Variants in CRTC1 observed in about 807,000 individuals in gnomAD.
CRTC1 encodes CREB regulated transcription coactivator 1.
CRTC1 carries 18 observed loss-of-function variants against 66.1 expected under a neutral mutation model. The observed-to-expected ratio is 0.27, with a 90% CI of 0.19 to 0.40. CRTC1 has a LOEUF of 0.40. CRTC1 is among the 10% of genes least tolerant of loss of function. The probability of loss-of-function intolerance (pLI) is 1.00; values close to 1 mark genes in which losing one functional copy is unlikely to be tolerated. For missense variants in CRTC1, 669 were observed against 887.9 expected (o/e 0.75, Z 3.13); for synonymous variants, 416 against 398.8 (o/e 1.04, Z -0.51).
intron 1 of CRTC1, among the ~76,000 whole-genome samples, chr19:18,737,757 C>T (rs796276346): frequency 9.3e-6 from 1 of 108,070 alleles, no homozygotes; most frequent in Admixed American, 9.1e-5. Context: ...TCCTCCTCCT[C>T]CTCCTCCTCC....
chr19:18,685,878 G>C (rs964550743), intron 1 of CRTC1, among the ~76,000 whole-genome samples: 3 of 152,118 alleles, frequency 2.0e-5, no homozygotes, highest in East Asian at 1.9e-4. Flanking sequence ...CAGTTTCTGC[G>C]TGGGATTGGA....
At chr19:18,743,506 C>T (rs1222328449) in intron 2 of CRTC1, among the ~76,000 whole-genome samples, 5 of 152,242 alleles carry the variant, frequency 3.3e-5, no homozygotes, top group Non-Finnish European at 7.3e-5. Flanking sequence ...AGGCCCACAG[C>T]GGCCCTCTTC....
intron 1 of CRTC1, among the ~76,000 whole-genome samples, chr19:18,709,311 A>G (rs2053336355): frequency 6.6e-6 from 1 of 151,992 alleles, no homozygotes; most frequent in Non-Finnish European, 1.5e-5. Flanking sequence ...CTCTGTCCTG[A>G]TGTCCCCTCA....
intron 1 of CRTC1, among the ~76,000 whole-genome samples, chr19:18,699,963 A>G (rs1373241515): frequency 6.6e-6 from 1 of 151,996 alleles, no homozygotes; most frequent in African/African-American, 2.4e-5. Flanking sequence ...GGGCTTGGCA[A>G]AGGCGGGCTT....
Position 18,777,517 on chromosome 19 carries a change from G to T in CRTC1, c.*135G>T. ...CAATGCCGCCAAGCGCCCCCCGCCA[G>T]CCCGCCCCCGGTTGTCCACCTCCCG... On this transcript the variant is annotated 3_prime_UTR_variant, in exon 14 of 14. Transcript: ENST00000321949. This position sits in a 1 kb window ranked among gnomAD's most constrained non-coding sequence, Gnocchi z 5.5. The T allele has an allele frequency of 1.2e-6, 1 of 836,798 alleles. No individual in the cohort carries two copies. Among genetic ancestry groups the T allele is most frequent in the Non-Finnish European group, 1.9e-6 (1 of 522,618 alleles). 51.8% of individuals were successfully genotyped at this position (836,798 alleles called of 1,614,324 possible).
chr19:18,716,355 C>T (rs2053507513), intron 1 of CRTC1, among the ~76,000 whole-genome samples: 1 of 152,038 alleles, frequency 6.6e-6, no homozygotes, highest in Non-Finnish European at 1.5e-5. Context: ...CAGGTTCAAG[C>T]AGTTCTCTGC....
At chr19:18,723,048 C>T (rs2053663581) in intron 1 of CRTC1, among the ~76,000 whole-genome samples, 1 of 152,022 alleles carries the variant, frequency 6.6e-6, no homozygotes, top group Non-Finnish European at 1.5e-5. Flanking sequence ...TCAAGCGATT[C>T]TTCTGCCTCA....
At chr19:18,716,470 T>C (rs973140428) in intron 1 of CRTC1, among the ~76,000 whole-genome samples, 2 of 152,286 alleles carry the variant, frequency 1.3e-5, no homozygotes, top group Non-Finnish European at 2.9e-5. Flanking sequence ...CAGGCTGGTC[T>C]CAAACTCCTG....
intron 1 of CRTC1, among the ~76,000 whole-genome samples, chr19:18,726,950 AAAG>A (rs1159512600): frequency 1.3e-5 from 2 of 151,372 alleles, no homozygotes; most frequent in African/African-American, 2.4e-5. Context: ...AAAAAAAAAA[AAAG>A]AAGGCAAAAC....
chr19:18,731,830 C>A (rs1464707379), intron 1 of CRTC1, among the ~76,000 whole-genome samples: 1 of 152,238 alleles, frequency 6.6e-6, no homozygotes, highest in Non-Finnish European at 1.5e-5. Context: ...GGGGAAGGCA[C>A]TGCTGGTCAC....
chr19:18,759,607 G>T lies in CRTC1; in HGVS notation c.665+16G>T, dbSNP rs1327592649. ...CCGGAATCAAGTAAGTCTCCACAGGGCCCACCCCGCACACTGCATCTGCTG... is the reference window on the plus strand; with the variant it reads ...CCGGAATCAAGTAAGTCTCCACAGGTCCCACCCCGCACACTGCATCTGCTG... On this transcript the variant is annotated intron_variant, in intron 7 of 13. Coordinates refer to ENST00000321949, the MANE Select transcript of CRTC1 (RefSeq NM_015321.3). The T allele has an allele frequency of 1.2e-6, 2 of 1,611,326 alleles. No homozygotes were observed. The highest frequency in any genetic ancestry group is 8.5e-7 in the Non-Finnish European group (1 of 1,179,132).
chr19:18,745,119 G>C (rs537996007), intron 2 of CRTC1, among the ~76,000 whole-genome samples: 1 of 152,290 alleles, frequency 6.6e-6, no homozygotes, highest in Admixed American at 6.5e-5. Flanking sequence ...CGGGCATGTA[G>C]CAGGGCCTGG....
intron 9 of CRTC1, among the ~76,000 whole-genome samples, chr19:18,766,416 G>C (rs2054738380): frequency 6.6e-6 from 1 of 150,510 alleles, no homozygotes; most frequent in Non-Finnish European, 1.5e-5. Flanking sequence ...TGGGATTACA[G>C]ATGTGAGCCA....
At chr19:18,761,833 G>A (rs1372721499) in intron 8 of CRTC1, among the ~76,000 whole-genome samples, 3 of 152,128 alleles carry the variant, frequency 2.0e-5, no homozygotes, top group Non-Finnish European at 4.4e-5. Flanking sequence ...AGGAGGGCAT[G>A]GGGACTAGAA....
intron 2 of CRTC1, among the ~76,000 whole-genome samples, chr19:18,743,904 C>T (rs1259950248): frequency 1.3e-5 from 2 of 152,186 alleles, no homozygotes; most frequent in African/African-American, 2.4e-5. Flanking sequence ...TCTCCCTTTC[C>T]TGTTTCTCCT....
intron 1 of CRTC1, 25 bp downstream of exon 1, chr19:18,683,853 C>T (rs13344908): frequency 1.4e-5 from 16 of 1,161,452 alleles, no homozygotes; most frequent in African/African-American, 5.1e-5. Context: ...CGCGCCGACC[C>T]TTCAGGGCCG....
chr19:18,750,477 C>T (rs559388694), intron 5 of CRTC1, among the ~76,000 whole-genome samples: 4 of 152,290 alleles, frequency 2.6e-5, no homozygotes, highest in South Asian at 2.1e-4. Flanking sequence ...TGAAGCCGGG[C>T]GTGGAGGCGG....
intron 4 of CRTC1, among the ~76,000 whole-genome samples, chr19:18,747,479 A>G (rs2054272471): frequency 6.6e-6 from 1 of 152,170 alleles, no homozygotes; most frequent in Non-Finnish European, 1.5e-5. Context: ...TCTACTAAAA[A>G]TACAAAAATT....
At chr19:18,726,025 C>T (rs1162726793) in intron 1 of CRTC1, among the ~76,000 whole-genome samples, 1 of 152,200 alleles carries the variant, frequency 6.6e-6, no homozygotes, top group Non-Finnish European at 1.5e-5. Context: ...GACTCATGTA[C>T]CGCGCCCTCG....
Sources: gnomAD v4.1 joint callset for allele counts (sites outside exome capture counted in the v4.1 genomes callset) on GRCh38, gnomAD v4.1.1 for gene constraint, Gnocchi (gnomAD v3.1) non-coding constraint, MANE v1.5 for transcripts, NCBI Gene and HGNC (gene_info 2026-07-23, HGNC 2026-07-21) for gene names.